The following GRID2 variants were observed in gnomAD, a reference collection of about 807,000 sequenced individuals.
The protein encoded by GRID2 is glutamate receptor ionotropic, delta-2.
In GRID2, 33 loss-of-function variants were observed where a neutral mutation model predicts 114.8. The observed-to-expected ratio is 0.29, with a 90% confidence interval of 0.22 to 0.38. GRID2 has a LOEUF of 0.38. Ranked by LOEUF, GRID2 falls within the 10% of genes least tolerant of loss-of-function variation. The probability of loss-of-function intolerance (pLI) is 1.00; values close to 1 mark genes in which losing one functional copy is unlikely to be tolerated. For missense variants in GRID2, 1,184 were observed against 1,257.7 expected (o/e 0.94, Z 0.89); for synonymous variants, 505 against 449.9 (o/e 1.12, Z -1.55).
intron 2 of GRID2, among the ~76,000 whole-genome samples, chr4:93,017,882 CTT>C (rs528393000): frequency 2.1e-4 from 25 of 119,060 alleles, no homozygotes; most frequent in Non-Finnish European, 2.8e-4. Context: ...AGACAGTAAG[CTT>C]TTTTTTTTTT....
In GRID2 at chr4:92,861,493, T is replaced by C. The variant is rs762724846; in HGVS notation, c.245-223502T>C. ...GCTGTTTTTTCTCATATGGTCCTCA[T>C]TGACCACGAGACTAGGTTAACCATA... On this transcript the variant is annotated intron_variant, in intron 2 of 15. Transcript: ENST00000282020. 7.2e-5 allele frequency among the ~76,000 whole-genome samples: 11 copies of C among 152,216 alleles called. No homozygotes were observed. The East Asian group carries it at 9.7e-4, about 13-fold the overall frequency.
chr4:92,502,141 T>C lies in GRID2; in HGVS notation c.89-87990T>C, dbSNP rs183399075. Among the ~76,000 whole-genome samples, 575 of 152,246 alleles carry C rather than the reference T, an allele frequency of 3.8e-3. 2 individuals are homozygous for C. The highest frequency in any genetic ancestry group is 0.012 in the African/African-American group (513 of 41,584). ...TAAAAGACTAAAAACCAAATTATGA[T>C]AGTTACCACAAAGTGAGCAAGTATT... On this transcript the variant is annotated intron_variant, in intron 1 of 15. Coordinates refer to ENST00000282020, the MANE Select transcript of GRID2 (RefSeq NM_001510.4).
intron 2 of GRID2, among the ~76,000 whole-genome samples, chr4:92,601,027 C>T (rs945169282): frequency 2.1e-4 from 32 of 151,956 alleles, no homozygotes; most frequent in African/African-American, 7.7e-4. Flanking sequence ...GTCCCTCCCC[C>T]AAAGGGCTTA....
chr4:92,818,418 G>A (rs1485200874), intron 2 of GRID2, among the ~76,000 whole-genome samples: 1 of 152,114 alleles, frequency 6.6e-6, no homozygotes, highest in Non-Finnish European at 1.5e-5. Flanking sequence ...GGTGTTGAAA[G>A]ATAATGATGG....
At chr4:93,204,621 T>C (rs1742485066) in intron 4 of GRID2, among the ~76,000 whole-genome samples, 1 of 152,154 alleles carries the variant, frequency 6.6e-6, no homozygotes, top group South Asian at 2.1e-4. Flanking sequence ...AAATACAGGA[T>C]TTGTGCCTCA....
chr4:92,376,279 C>T (rs1232458248), intron 1 of GRID2, among the ~76,000 whole-genome samples: 1 of 152,004 alleles, frequency 6.6e-6, no homozygotes, highest in African/African-American at 2.4e-5. Flanking sequence ...CACTGCACTC[C>T]AGCCTGGGCA....
chr4:93,356,913 T>A (rs1761390375), intron 8 of GRID2, among the ~76,000 whole-genome samples: 1 of 151,818 alleles, frequency 6.6e-6, no homozygotes, highest in South Asian at 2.1e-4. Context: ...GTGTGTCTTT[T>A]TATTTCTTTT....
intron 2 of GRID2, among the ~76,000 whole-genome samples, chr4:92,938,796 T>C (rs1750869464): frequency 7.1e-6 from 1 of 140,354 alleles, no homozygotes; most frequent in South Asian, 2.7e-4. Flanking sequence ...TTCCCACCTA[T>C]GAGTGAGACC....
intron 3 of GRID2, 78 bp from the exon 4 acceptor site, chr4:93,110,670 T>G: frequency 1.1e-6 from 1 of 918,696 alleles, no homozygotes; most frequent in Non-Finnish European, 1.8e-6. Flanking sequence ...TAATCTATTC[T>G]GATATAGGTG....
At chr4:92,450,956 T>G (rs2149078491) in intron 1 of GRID2, among the ~76,000 whole-genome samples, 1 of 150,818 alleles carries the variant, frequency 6.6e-6, no homozygotes, top group Non-Finnish European at 1.5e-5. Flanking sequence ...AATTTAAATT[T>G]ATTATAGTGA....
chr4:93,318,650 G>A (rs1237163875), intron 8 of GRID2: 1 of 152,192 alleles, frequency 6.6e-6, no homozygotes, highest in East Asian at 1.9e-4. Context: ...GCTTTATTGA[G>A]ATATAATTCA....
chr4:93,711,449 T>C lies in GRID2; in HGVS notation c.2361-57761T>C, dbSNP rs1021131235. Among the ~76,000 whole-genome samples the C allele has an allele frequency of 7.9e-5, 12 of 152,202 alleles. No individual in the cohort carries two copies. The South Asian group carries it at 1.7e-3, about 21-fold the overall frequency. On this transcript the variant is annotated intron_variant, in intron 14 of 15. Transcript: ENST00000282020. ...ACTGAGATTGAGCTGGTATCCAAGT[T>C]GCAAGACAAAGTCCTTGCCCAGGAA...
chr4:92,814,205 C>T (rs772144340), intron 2 of GRID2, among the ~76,000 whole-genome samples: 9 of 151,996 alleles, frequency 5.9e-5, no homozygotes, highest in Non-Finnish European at 1.2e-4. Context: ...TCTTATTTTA[C>T]TTTTGATGTA....
chr4:92,474,239 G>C (rs537406998), intron 1 of GRID2, among the ~76,000 whole-genome samples: 22 of 151,956 alleles, frequency 1.4e-4, no homozygotes, highest in African/African-American at 5.3e-4. Flanking sequence ...GGATTTTTTA[G>C]ATTGCGCGTA....
At chr4:92,519,478 C>T (rs1724664258) in intron 1 of GRID2, among the ~76,000 whole-genome samples, 1 of 151,460 alleles carries the variant, frequency 6.6e-6, no homozygotes, top group African/African-American at 2.4e-5. Flanking sequence ...TTATGTGCAA[C>T]TACACAGGCA....
intron 6 of GRID2, among the ~76,000 whole-genome samples, chr4:93,221,085 C>T (rs1204197452): frequency 3.9e-5 from 6 of 152,132 alleles, no homozygotes; most frequent in African/African-American, 1.4e-4. Flanking sequence ...GTGTATCACA[C>T]AAATCATATT....
intron 9 of GRID2, among the ~76,000 whole-genome samples, chr4:93,419,579 A>G (rs954632650): frequency 2.0e-5 from 3 of 152,090 alleles, no homozygotes; most frequent in African/African-American, 4.8e-5. Context: ...ACATTGATCC[A>G]GATGAAGAAT....
At chr4:92,866,631 C>T (rs1744885179) in intron 2 of GRID2, among the ~76,000 whole-genome samples, 1 of 151,990 alleles carries the variant, frequency 6.6e-6, no homozygotes, top group Non-Finnish European at 1.5e-5. Flanking sequence ...GCAAGGTCCG[C>T]CTCCCGGGTT....
intron 2 of GRID2, among the ~76,000 whole-genome samples, chr4:92,664,945 CA>C (rs1732696509): frequency 6.7e-6 from 1 of 148,452 alleles, no homozygotes; most frequent in African/African-American, 2.5e-5. Context: ...CTTTAGTAAA[CA>C]GCATATTGTT....
Sources: gnomAD v4.1 joint callset for allele counts (sites outside exome capture counted in the v4.1 genomes callset) on GRCh38, gnomAD v4.1.1 for gene constraint, MANE v1.5 for transcripts, NCBI Gene and HGNC (gene_info 2026-07-23, HGNC 2026-07-21) for gene names.